The following CDH13 variants were observed in gnomAD, a reference collection of about 807,000 sequenced individuals.
CDH13 encodes the protein cadherin 13, also known as cadherin-13.
A neutral mutation model predicts 63.8 loss-of-function variants in CDH13; 24 were observed. The ratio of observed to expected loss-of-function variants is 0.38; its 90% CI spans 0.27 to 0.53. CDH13 has a LOEUF of 0.53. Ranked by LOEUF, CDH13 falls within the 20% of genes least tolerant of loss-of-function variation. The pLI, the probability that CDH13 is intolerant of heterozygous loss-of-function variation, is 0.85. For missense variants in CDH13, 1,049 were observed against 903.1 expected, an observed-to-expected ratio of 1.16 and a Z score of -2.07; for synonymous variants, 503 against 355.3, an observed-to-expected ratio of 1.42 and a Z score of -4.67.
chr16:83,724,530 A>G (rs1292383342), intron 10 of CDH13, among the ~76,000 whole-genome samples: 1 of 152,138 alleles, frequency 6.6e-6, no homozygotes, highest in African/African-American at 2.4e-5. Context: ...GGATGAATGC[A>G]TGGATGAATG....
chr16:83,474,176 G>A (rs2073538224), intron 6 of CDH13, among the ~76,000 whole-genome samples: 2 of 152,146 alleles, frequency 1.3e-5, no homozygotes, highest in African/African-American at 4.8e-5. Flanking sequence ...CTGGTGCACA[G>A]TCCACACATG....
chr16:83,752,181 T>C (rs1190245601), intron 11 of CDH13, among the ~76,000 whole-genome samples: 5 of 152,250 alleles, frequency 3.3e-5, no homozygotes, highest in African/African-American at 4.8e-5. Flanking sequence ...GCAAAGAATG[T>C]CAAGAAGCAT....
At chr16:82,804,700 C>T (rs2037057591) in intron 1 of CDH13, among the ~76,000 whole-genome samples, 1 of 152,062 alleles carries the variant, frequency 6.6e-6, no homozygotes, top group Non-Finnish European at 1.5e-5. Context: ...ACCCTTCTTC[C>T]CTTGGTATGT....
At chr16:83,354,277 A>T (rs574562226) in intron 6 of CDH13, among the ~76,000 whole-genome samples, 1 of 152,240 alleles carries the variant, frequency 6.6e-6, no homozygotes, top group Non-Finnish European at 1.5e-5. Context: ...TTAGCACTGC[A>T]GCTGAGTAAA....
intron 4 of CDH13, among the ~76,000 whole-genome samples, chr16:83,189,371 G>A (rs1292406042): frequency 6.6e-6 from 1 of 152,098 alleles, no homozygotes; most frequent in Non-Finnish European, 1.5e-5. Context: ...AATCCTCTGT[G>A]GATTACCTCC....
chr16:82,851,328 G>A lies in CDH13; in HGVS notation c.46-7034G>A, dbSNP rs904082416. Among the ~76,000 whole-genome samples the A allele has an allele frequency of 6.6e-5, 10 of 151,840 alleles. No homozygotes were observed. The South Asian group carries it at 1.9e-3, about 29-fold the overall frequency. ...CGGATGCCTGTAATCCCAGCTACTC[G>A]GGAGACTGAGTCTGGAGAATTGCTT... On this transcript the variant is annotated intron_variant, in intron 1 of 13. Coordinates refer to ENST00000567109, the MANE Select transcript of CDH13 (RefSeq NM_001257.5).
chr16:83,003,095 C>T (rs1053698493), intron 2 of CDH13, among the ~76,000 whole-genome samples: 2 of 152,148 alleles, frequency 1.3e-5, no homozygotes, highest in South Asian at 2.1e-4. Context: ...TGATGCCAAC[C>T]CCAGTGTCCT....
At chr16:83,026,618 A>G (rs1915827907) in intron 2 of CDH13, among the ~76,000 whole-genome samples, 2 of 152,182 alleles carry the variant, frequency 1.3e-5, no homozygotes, top group Admixed American at 1.3e-4. Context: ...AAAATACTTA[A>G]AAGAGCCCTT....
chr16:83,090,573 C>CA (rs372312398), intron 3 of CDH13, among the ~76,000 whole-genome samples: 18,862 of 129,574 alleles, frequency 0.15, 1,636 homozygotes, highest in East Asian at 0.25. Context: ...AACTGCATCT[C>CA]AAAAAAAAAA....
intron 7 of CDH13, among the ~76,000 whole-genome samples, chr16:83,541,406 C>A (rs1442416043): frequency 6.6e-6 from 1 of 152,184 alleles, no homozygotes; most frequent in African/African-American, 2.4e-5. Flanking sequence ...CTCTTCTTTG[C>A]CTGACCAACC....
chr16:83,624,157 C>G (rs1478419726), intron 8 of CDH13, among the ~76,000 whole-genome samples: 1 of 152,124 alleles, frequency 6.6e-6, no homozygotes, highest in Non-Finnish European at 1.5e-5. Context: ...CTCTGCTAGG[C>G]TCTCTCCTTG....
chr16:83,457,977 C>T lies in CDH13; in HGVS notation c.782-28500C>T, dbSNP rs548511209. 1.5e-3 allele frequency among the ~76,000 whole-genome samples: 226 copies of T among 152,298 alleles called. 6 individuals carry two copies. The South Asian group carries it at 0.043, about 29-fold the overall frequency. ...GATGCTGGTAAAGCCTGAGCAGAAA[C>T]AAAAGAGGGTCCCGGGGGCAGAATG... On this transcript the variant is annotated intron_variant, in intron 6 of 13. Transcript: ENST00000567109.
chr16:83,327,485 T>C (rs2090390454), intron 5 of CDH13, among the ~76,000 whole-genome samples: 1 of 152,250 alleles, frequency 6.6e-6, no homozygotes, highest in Non-Finnish European at 1.5e-5. Context: ...GCTAATTCAT[T>C]GTTCATTTGT....
chr16:82,872,760 GAAATA>G (rs1264333614), intron 2 of CDH13, among the ~76,000 whole-genome samples: 16 of 152,196 alleles, frequency 1.1e-4, no homozygotes, highest in African/African-American at 3.9e-4. Flanking sequence ...TCTGGAGATA[GAAATA>G]GGGAATGGAA....
intron 3 of CDH13, among the ~76,000 whole-genome samples, chr16:83,111,182 GA>G (rs1003454848): frequency 4.0e-5 from 6 of 148,440 alleles, no homozygotes; most frequent in African/African-American, 1.5e-4. Context: ...AAAAAAAAAA[GA>G]AAAAAATAGA....
In CDH13 at chr16:82,885,474, TCCATCCAC is replaced by T. The variant is rs1469147129; in HGVS notation, c.157+27009_157+27016del. Among the ~76,000 whole-genome samples, 20 of 96,718 alleles carry T rather than the reference TCCATCCAC, an allele frequency of 2.1e-4. 1 individual carries two copies. The East Asian group carries it at 4.1e-3, about 20-fold the overall frequency. The allele number at this position is 96,718 out of a possible 152,430, so 63.5% of individuals were successfully genotyped here. On this transcript the variant is annotated intron_variant, in intron 2 of 13. Transcript: ENST00000567109. The stretch of plus-strand genomic sequence containing the variant: ...ATTCATTCATCCACCTACCCATCCA[TCCATCCAC>T]CCATCCATCCATCCATCCACCCATC...
intron 1 of CDH13, among the ~76,000 whole-genome samples, chr16:82,819,462 C>T (rs1314094862): frequency 3.3e-5 from 5 of 152,160 alleles, no homozygotes; most frequent in Admixed American, 6.5e-5. Context: ...TTCTAAGCTG[C>T]CTGTCCCACT....
intron 4 of CDH13, among the ~76,000 whole-genome samples, chr16:83,169,222 G>A (rs1274149811): frequency 6.6e-6 from 1 of 151,198 alleles, no homozygotes; most frequent in Non-Finnish European, 1.5e-5. Flanking sequence ...TTGTCGCCAG[G>A]CTGGAGTGCA....
chr16:83,644,183 C>A (rs1424998589), intron 8 of CDH13, among the ~76,000 whole-genome samples: 2 of 152,226 alleles, frequency 1.3e-5, no homozygotes, highest in Non-Finnish European at 2.9e-5. Flanking sequence ...GGCCCACATT[C>A]TCCCAATTTC....
Sources: gnomAD v4.1 joint callset for allele counts (sites outside exome capture counted in the v4.1 genomes callset) on GRCh38, gnomAD v4.1.1 for gene constraint, MANE v1.5 for transcripts, NCBI Gene and HGNC (gene_info 2026-07-23, HGNC 2026-07-21) for gene names.